Variants in FERMT1 observed in about 807,000 individuals in gnomAD.
The protein encoded by FERMT1 is fermitin family homolog 1.
FERMT1 carries 60 observed loss-of-function variants against 85.3 expected under a neutral mutation model. The ratio of observed to expected loss-of-function variants is 0.70; its 90% CI spans 0.57 to 0.87. The LOEUF is 0.87. Among genes scored for constraint, FERMT1 ranks in the 40% least tolerant of loss-of-function variants. The pLI is 0.00. For synonymous variants in FERMT1, 275 were observed against 301.1 expected (o/e 0.91, Z 0.90); for missense variants, 701 against 818.9 (o/e 0.86, Z 1.76).
At chr20:6,095,810 G>C (rs989085030) in intron 8 of FERMT1, among the ~76,000 whole-genome samples, 1 of 152,178 alleles carries the variant, frequency 6.6e-6, no homozygotes, top group African/African-American at 2.4e-5. Flanking sequence ...TCCTGAATGA[G>C]ACCAGTTTCT....
chr20:6,084,599 A>G (rs1008173094), intron 12 of FERMT1, among the ~76,000 whole-genome samples: 1 of 152,214 alleles, frequency 6.6e-6, no homozygotes, highest in Non-Finnish European at 1.5e-5. Context: ...AAAATTAACA[A>G]TAATTTCATA....
intron 4 of FERMT1, among the ~76,000 whole-genome samples, 193 bp from the exon 5 acceptor site, chr20:6,110,704 T>C (rs539297570): frequency 6.6e-6 from 1 of 152,270 alleles, no homozygotes; most frequent in South Asian, 2.1e-4. Flanking sequence ...GGTTGGAGAA[T>C]TGTTTGAGCC....
chr20:6,093,694 C>T (rs371630220), intron 9 of FERMT1, among the ~76,000 whole-genome samples: 5 of 152,186 alleles, frequency 3.3e-5, no homozygotes, highest in East Asian at 1.9e-4. Context: ...TGGTGGCTCA[C>T]GCCTGTAATC....
intron 6 of FERMT1, among the ~76,000 whole-genome samples, chr20:6,099,830 TAA>T (rs112369032): frequency 3.3e-4 from 40 of 120,442 alleles, no homozygotes; most frequent in South Asian, 2.2e-3. Flanking sequence ...TCACTGTTTC[TAA>T]AAAAAAAAAA....
chr20:6,122,276 T>G (rs1056611024), intron 1 of FERMT1, among the ~76,000 whole-genome samples: 1 of 152,192 alleles, frequency 6.6e-6, no homozygotes, highest in African/African-American at 2.4e-5. Flanking sequence ...TTGTCAAGGA[T>G]AGCAGCAAAC....
intron 1 of FERMT1, among the ~76,000 whole-genome samples, chr20:6,122,183 C>T (rs575250649): frequency 1.3e-5 from 2 of 152,314 alleles, no homozygotes. Flanking sequence ...CTAAAATTAG[C>T]CAAGCTGGTT....
At chr20:6,091,161 TCAAA>T (rs886765204) in intron 9 of FERMT1, among the ~76,000 whole-genome samples, 5 of 151,868 alleles carry the variant, frequency 3.3e-5, no homozygotes, top group South Asian at 2.1e-4. Flanking sequence ...AGACTTCGTC[TCAAA>T]CAAACAAACA....
intron 11 of FERMT1, 91 bp from the exon 12 acceptor site, chr20:6,085,378 T>A: frequency 8.9e-7 from 1 of 1,120,340 alleles, no homozygotes; most frequent in Non-Finnish European, 1.3e-6. Context: ...CCCATTACAG[T>A]GCAAAACCAT....
At chr20:6,117,571 T>G (rs1221610324) in intron 2 of FERMT1, among the ~76,000 whole-genome samples, 1 of 152,162 alleles carries the variant, frequency 6.6e-6, no homozygotes, top group Non-Finnish European at 1.5e-5. Flanking sequence ...GTAGCTGGGA[T>G]TGTAGGCACG....
chr20:6,110,372 G>A lies in FERMT1; in HGVS notation c.672C>T (p.Pro224=), dbSNP rs1484292637. ...QNCSILAFSQ[P]PQSPEALADM... ...CCGCAAGTGCTTCTGGGGACTGGGG[G>A]GGTTGGCTGAATGCGAGGATGCTGC... The change falls in exon 5 of 15, where the codon CCC becomes CCT. Residue 224 remains proline (P), a synonymous_variant. Coordinates refer to ENST00000217289, the MANE Select transcript of FERMT1 (RefSeq NM_017671.5). 1.9e-6 allele frequency: 3 copies of A among 1,613,860 alleles called. No individual in the cohort carries two copies. Among genetic ancestry groups the A allele is most frequent in the Non-Finnish European group, 2.5e-6 (3 of 1,179,970 alleles).
Position 6,076,327 on chromosome 20 carries a change from T to G in FERMT1, c.*846A>C. 4.7e-6 allele frequency: 2 copies of G among 428,884 alleles called. No homozygotes were observed. The highest frequency in any genetic ancestry group is 3.5e-4 in the Middle Eastern group (1 of 2,858). The allele number at this position is 428,884 out of a possible 1,614,324, so 26.6% of individuals were successfully genotyped here. On this transcript the variant is annotated 3_prime_UTR_variant, in exon 15 of 15. Transcript: ENST00000217289. ...AGGTGTTTCTATGAACAGAGAGGACTGTGCCTGTCTTCCTGAATCCCAACC... is the reference window on the plus strand; with the variant it reads ...AGGTGTTTCTATGAACAGAGAGGACGGTGCCTGTCTTCCTGAATCCCAACC...
At chr20:6,085,578 C>T (rs920626393) in intron 11 of FERMT1, among the ~76,000 whole-genome samples, 6 of 152,132 alleles carry the variant, frequency 3.9e-5, no homozygotes, top group African/African-American at 9.7e-5. Context: ...GGGCCAGGTG[C>T]GGTGGCTCAT....
intron 9 of FERMT1, among the ~76,000 whole-genome samples, chr20:6,092,001 T>G: frequency 6.7e-6 from 1 of 150,220 alleles, no homozygotes; most frequent in African/African-American, 2.5e-5. Context: ...AGTGCAGTGG[T>G]GCAATCTCGG....
intron 9 of FERMT1, 64 bp downstream of exon 9, chr20:6,094,875 C>T (rs998581193): frequency 2.1e-6 from 2 of 933,438 alleles, no homozygotes; most frequent in South Asian, 1.3e-5. Flanking sequence ...ATTTAAACTC[C>T]TGCACTCTTT....
intron 14 of FERMT1, among the ~76,000 whole-genome samples, chr20:6,078,633 G>GTTTTTTTT (rs11480502): frequency 1.5e-5 from 2 of 134,678 alleles, no homozygotes; most frequent in Non-Finnish European, 3.2e-5. Context: ...CTAGTTCAGC[G>GTTTTTTTT]TTTTTTTTTT....
intron 6 of FERMT1, among the ~76,000 whole-genome samples, chr20:6,101,713 C>T (rs764993655): frequency 9.9e-5 from 15 of 152,116 alleles, no homozygotes; most frequent in Non-Finnish European, 1.5e-4. Context: ...AGTGCAATGG[C>T]GCGATCTCAG....
chr20:6,078,214 T>C (rs925259613), intron 14 of FERMT1, among the ~76,000 whole-genome samples: 1 of 152,176 alleles, frequency 6.6e-6, no homozygotes, highest in Non-Finnish European at 1.5e-5. Context: ...GTCTAGGCAG[T>C]GGTGTTTTAA....
chr20:6,109,405 C>G (rs151040294), intron 5 of FERMT1, among the ~76,000 whole-genome samples: 94 of 152,238 alleles, frequency 6.2e-4, no homozygotes, highest in African/African-American at 2.1e-3. Flanking sequence ...CCAGGCGGCA[C>G]GGGGCCATGG....
chr20:6,082,369 G>C (rs1201229589), intron 13 of FERMT1, among the ~76,000 whole-genome samples: 1 of 152,194 alleles, frequency 6.6e-6, no homozygotes, highest in African/African-American at 2.4e-5. Context: ...AAAATGCCCG[G>C]GTCACAGAGC....
Sources: allele counts gnomAD v4.1 joint callset (sites outside exome capture counted in the v4.1 genomes callset), GRCh38; gene constraint gnomAD v4.1.1; transcripts MANE v1.5; gene names NCBI Gene and HGNC (gene_info 2026-07-23, HGNC 2026-07-21).